Variants in FGF12 observed in about 807,000 individuals in gnomAD.
FGF12 encodes the protein fibroblast growth factor 12.
A neutral mutation model predicts 23.6 loss-of-function variants in FGF12; 14 were observed. The observed-to-expected ratio is 0.59, with a 90% CI of 0.39 to 0.93. The LOEUF (loss-of-function observed/expected upper bound fraction) is 0.93. Among genes scored for constraint, FGF12 ranks in the 40% least tolerant of loss-of-function variants. The pLI is 0.00. For missense variants in FGF12, 175 were observed against 217.8 expected, an observed-to-expected ratio of 0.80 and a Z score of 1.24; for synonymous variants, 62 against 77.3, an observed-to-expected ratio of 0.80 and a Z score of 1.04.
chr3:192,328,345 A>T (rs755068120), intron 4 of FGF12, among the ~76,000 whole-genome samples: 3 of 152,224 alleles, frequency 2.0e-5, no homozygotes, highest in Non-Finnish European at 2.9e-5. Flanking sequence ...GATCAAGCAC[A>T]TGCGCAATGA....
intron 2 of FGF12, among the ~76,000 whole-genome samples, chr3:192,486,546 T>C (rs976812023): frequency 8.5e-5 from 13 of 152,220 alleles, no homozygotes; most frequent in Non-Finnish European, 1.6e-4. Context: ...CGGAAAAGTT[T>C]GGCATAGCCT....
chr3:192,339,069 G>T (rs993955597), intron 3 of FGF12, among the ~76,000 whole-genome samples: 1 of 152,140 alleles, frequency 6.6e-6, no homozygotes, highest in Non-Finnish European at 1.5e-5. Context: ...AGTTTTATAT[G>T]AACCACAACA....
At chr3:192,185,834 G>GCCT (rs1198906637) in intron 4 of FGF12, among the ~76,000 whole-genome samples, 2 of 151,722 alleles carry the variant, frequency 1.3e-5, no homozygotes, top group African/African-American at 2.4e-5. Context: ...ACTTCAGCCT[G>GCCT]GGCGACAGAG....
At chr3:192,201,327 C>T (rs185762288) in intron 4 of FGF12, among the ~76,000 whole-genome samples, 3 of 152,272 alleles carry the variant, frequency 2.0e-5, no homozygotes, top group Non-Finnish European at 4.4e-5. Context: ...TGGAACACAA[C>T]AACTGAAATG....
chr3:192,439,133 C>G (rs1722119208), intron 2 of FGF12, among the ~76,000 whole-genome samples: 1 of 152,188 alleles, frequency 6.6e-6, no homozygotes, highest in South Asian at 2.1e-4. Context: ...AGATTTAAGT[C>G]AAAGACTCAA....
chr3:192,693,219 A>C (rs1282735093), intron 2 of FGF12, among the ~76,000 whole-genome samples: 1 of 152,186 alleles, frequency 6.6e-6, no homozygotes, highest in Non-Finnish European at 1.5e-5. Flanking sequence ...GTTAGAAATA[A>C]ATTCAACCAA....
rs201309258 is a variant in FGF12 at position 192,375,847 on chromosome 3, AT to A, written c.14-15310del. On this transcript the variant is annotated intron_variant, in intron 2 of 5. Transcript: ENST00000445105. ...CTTTCCCTCAGCATTCTGGAAAAAA[AT>A]TTCATCATCTTCTAGCAACTATTAT... 2.4e-3 allele frequency among the ~76,000 whole-genome samples: 364 copies of A among 152,282 alleles called. 1 individual carries two copies. Among genetic ancestry groups the A allele is most frequent in the African/African-American group, 7.5e-3 (311 of 41,580 alleles).
chr3:192,329,093 G>A (rs564629795), intron 4 of FGF12, among the ~76,000 whole-genome samples: 3 of 152,264 alleles, frequency 2.0e-5, no homozygotes, highest in Admixed American at 6.5e-5. Context: ...CTTTACCAGG[G>A]AATGTGTTTA....
At chr3:192,310,471 A>G (rs1715875629) in intron 4 of FGF12, among the ~76,000 whole-genome samples, 1 of 152,156 alleles carries the variant, frequency 6.6e-6, no homozygotes. Flanking sequence ...ATAAATTGCA[A>G]TTTGCAAATA....
intron 2 of FGF12, among the ~76,000 whole-genome samples, chr3:192,543,514 C>T (rs1725425108): frequency 6.6e-6 from 1 of 152,134 alleles, no homozygotes; most frequent in Admixed American, 6.5e-5. Flanking sequence ...TGTGGCCGAG[C>T]TGGTACCTAA....
At chr3:192,265,170 G>A (rs914572353) in intron 4 of FGF12, 2 of 152,048 alleles carry the variant, frequency 1.3e-5, no homozygotes, top group Non-Finnish European at 2.9e-5. Context: ...TTTAAGAGTT[G>A]GCCTGGAAAC....
chr3:192,535,340 T>C (rs756201554), intron 2 of FGF12, among the ~76,000 whole-genome samples: 18 of 152,182 alleles, frequency 1.2e-4, no homozygotes, highest in Admixed American at 4.6e-4. Flanking sequence ...AAATTAAAAC[T>C]CCCTTCTTAG....
chr3:192,436,746 A>G (rs142621729), intron 2 of FGF12, among the ~76,000 whole-genome samples: 92 of 152,326 alleles, frequency 6.0e-4, no homozygotes, highest in Non-Finnish European at 1.1e-3. Flanking sequence ...TGCCCTGTAG[A>G]TTGAAATTCT....
rs146919328 is a variant in FGF12 at position 192,357,675 on chromosome 3, C to T, written c.124+2753G>A. Among the ~76,000 whole-genome samples, 547 of 152,218 alleles carry T rather than the reference C, an allele frequency of 3.6e-3. 6 individuals carry two copies. Among genetic ancestry groups the T allele is most frequent in the African/African-American group, 0.012 (496 of 41,530 alleles). ...TTGAGTGCTTACTATGTATTACAGA[C>T]CATTCATTCTAGGTTCTAATGATGC... On this transcript the variant is annotated intron_variant, in intron 3 of 5. Transcript: ENST00000445105.
intron 2 of FGF12, among the ~76,000 whole-genome samples, chr3:192,686,180 G>C (rs183049442): frequency 3.3e-4 from 50 of 152,292 alleles, no homozygotes; most frequent in Non-Finnish European, 5.0e-4. Context: ...CTTAGAAGTA[G>C]GTGCTGATGC....
At chr3:192,447,953 G>T (rs961940895) in intron 2 of FGF12, among the ~76,000 whole-genome samples, 1 of 152,086 alleles carries the variant, frequency 6.6e-6, no homozygotes, top group South Asian at 2.1e-4. Context: ...AATTCGTTTC[G>T]CCAGTTTCTG....
intron 4 of FGF12, among the ~76,000 whole-genome samples, chr3:192,312,555 A>C (rs147885609): frequency 0.028 from 4,259 of 152,188 alleles, 157 homozygotes; most frequent in South Asian, 0.17. Context: ...GTAGTACATA[A>C]ATTTTTAGAA....
chr3:192,165,193 G>GAAT (rs1715094275), intron 5 of FGF12, among the ~76,000 whole-genome samples: 1 of 151,924 alleles, frequency 6.6e-6, no homozygotes, highest in Non-Finnish European at 1.5e-5. Context: ...GGCCTCAAGT[G>GAAT]ATTCACCTGC....
intron 2 of FGF12, among the ~76,000 whole-genome samples, chr3:192,702,298 C>T (rs527854580): frequency 2.1e-4 from 32 of 152,230 alleles, no homozygotes; most frequent in Admixed American, 9.8e-4. Flanking sequence ...CATATCTTGG[C>T]TATTGTGGAT....
Sources: allele counts gnomAD v4.1 joint callset (sites outside exome capture counted in the v4.1 genomes callset), GRCh38; gene constraint gnomAD v4.1.1; transcripts MANE v1.5; gene names NCBI Gene and HGNC (gene_info 2026-07-23, HGNC 2026-07-21).